Variants in THSD7A observed in about 807,000 individuals in gnomAD.
The protein encoded by THSD7A is thrombospondin type-1 domain-containing protein 7A.
Under a neutral mutation model 231.3 loss-of-function variants are expected in THSD7A, and 96 were observed. The observed-to-expected ratio is 0.41, with a 90% CI of 0.35 to 0.49. The LOEUF (loss-of-function observed/expected upper bound fraction) is 0.49. Ranked by LOEUF, THSD7A falls within the 20% of genes least tolerant of loss-of-function variation. THSD7A has a pLI of 0.05. For synonymous variants in THSD7A, 940 were observed against 743.3 expected (o/e 1.26, Z -4.30); for missense variants, 2,290 against 2,070.2 (o/e 1.11, Z -2.06).
At position 11,543,104 on chromosome 7, in the gene THSD7A, C is replaced by T; in HGVS notation, c.1467G>A (p.Met489Ile). The T allele has an allele frequency of 6.2e-7, 1 of 1,610,822 alleles. No individual in the cohort carries two copies. Among genetic ancestry groups the T allele is most frequent in the Non-Finnish European group, 8.5e-7 (1 of 1,178,536 alleles). Reference protein sequence around the residue: ...THKNKEASKPMDLKLCTGPIP... With the variant: ...THKNKEASKPIDLKLCTGPIP... Reference sequence around the variant, plus strand: ...TAGGTCCAGTGCATAATTTTAAGTCCATTGGCTTTGAGGCTAGAGAAAAAT... The same window carrying T: ...TAGGTCCAGTGCATAATTTTAAGTCTATTGGCTTTGAGGCTAGAGAAAAAT... The change falls in exon 5 of 28, where the codon ATG becomes ATA. Residue 489 changes from methionine (M) to isoleucine (I), a missense_variant. Met to Ile is a conservative substitution (Grantham distance 10). Transcript: ENST00000423059.
intron 6 of THSD7A, among the ~76,000 whole-genome samples, chr7:11,511,599 G>C (rs1362078078): frequency 6.6e-6 from 1 of 152,066 alleles, no homozygotes; most frequent in East Asian, 1.9e-4. Flanking sequence ...TAGACCAATG[G>C]AACAGAACAG....
chr7:11,507,729 A>C (rs1583870563), intron 6 of THSD7A, among the ~76,000 whole-genome samples: 1 of 152,060 alleles, frequency 6.6e-6, no homozygotes, highest in Admixed American at 6.6e-5. Context: ...TTCTGTTTAT[A>C]TATACAGTGG....
In THSD7A at chr7:11,541,430, A is replaced by T; in HGVS notation, c.1811T>A (p.Ile604Asn). The T allele has an allele frequency of 6.2e-7, 1 of 1,613,982 alleles. No individual in the cohort carries two copies. Among genetic ancestry groups the T allele is most frequent in the Non-Finnish European group, 8.5e-7 (1 of 1,179,882 alleles). Residue 604 changes from isoleucine (I) to asparagine (N), a missense_variant, in exon 6 of 28, where the codon ATC becomes AAC. Coordinates refer to ENST00000423059, the MANE Select transcript of THSD7A (RefSeq NM_015204.3). ...PGTQVQEVVC[I>N]NSDGEEVDRQ... ...TACGTCTGTCTTACCATCACTGTTGATGCACACAACCTCTTGAACTTGCGT... is the reference window on the plus strand; with the variant it reads ...TACGTCTGTCTTACCATCACTGTTGTTGCACACAACCTCTTGAACTTGCGT...
rs962591235 is a variant in THSD7A at position 11,400,121 on chromosome 7, T to TG, written c.4411+1673dup. Among the ~76,000 whole-genome samples, 4 of 135,992 alleles carry TG rather than the reference T, an allele frequency of 2.9e-5. No individual in the cohort carries two copies. In the Admixed American group the frequency reaches 3.4e-4, roughly 11 times the overall value. The allele number at this position is 135,992 out of a possible 152,430, so 89.2% of individuals were successfully genotyped here. Reference sequence around the variant, plus strand: ...GTGGGAATTGAACAATGAAAACACTTGGACACAGGAAGGGGAACATCACAC... The same window carrying TG: ...GTGGGAATTGAACAATGAAAACACTTGGGACACAGGAAGGGGAACATCACAC... On this transcript the variant is annotated intron_variant, in intron 23 of 27. Coordinates refer to ENST00000423059, the MANE Select transcript of THSD7A (RefSeq NM_015204.3).
intron 6 of THSD7A, among the ~76,000 whole-genome samples, chr7:11,530,963 A>G (rs1583916301): frequency 1.3e-5 from 2 of 152,280 alleles, no homozygotes. Context: ...GTGAGCTGAG[A>G]TCGTGCCACT....
At chr7:11,580,430 G>A (rs937630269) in intron 4 of THSD7A, among the ~76,000 whole-genome samples, 1 of 152,120 alleles carries the variant, frequency 6.6e-6, no homozygotes, top group Non-Finnish European at 1.5e-5. Context: ...GCCTTGTGAA[G>A]GGTCAGTCTA....
intron 1 of THSD7A, among the ~76,000 whole-genome samples, chr7:11,644,644 T>G (rs1020348479): frequency 1.3e-5 from 2 of 151,996 alleles, no homozygotes; most frequent in African/African-American, 2.4e-5. Flanking sequence ...TGTACAAAAT[T>G]AGAACAGGCT....
intron 1 of THSD7A, among the ~76,000 whole-genome samples, chr7:11,656,129 C>G (rs984547474): frequency 6.6e-6 from 1 of 151,846 alleles, no homozygotes; most frequent in Non-Finnish European, 1.5e-5. Context: ...TCAAAATTGA[C>G]AGCATTTAGG....
chr7:11,399,811 G>A (rs1335781041), intron 23 of THSD7A, among the ~76,000 whole-genome samples: 1 of 152,140 alleles, frequency 6.6e-6, no homozygotes, highest in Admixed American at 6.6e-5. Context: ...CCATTACTGG[G>A]TATACGCCCA....
intron 1 of THSD7A, among the ~76,000 whole-genome samples, chr7:11,714,152 A>G (rs1781056327): frequency 6.6e-6 from 1 of 151,258 alleles, no homozygotes. Flanking sequence ...GTGATGTAAT[A>G]ATCTTGCAGC....
At chr7:11,486,814 A>T (rs1446016099) in intron 6 of THSD7A, among the ~76,000 whole-genome samples, 15 of 152,230 alleles carry the variant, frequency 9.9e-5, no homozygotes, top group Non-Finnish European at 1.5e-5. Context: ...TCTAGGCATT[A>T]TAAACAAACC....
At chr7:11,473,971 A>T (rs924046891) in intron 8 of THSD7A, among the ~76,000 whole-genome samples, 2 of 152,038 alleles carry the variant, frequency 1.3e-5, no homozygotes, top group Non-Finnish European at 2.9e-5. Flanking sequence ...GCCTACGGGT[A>T]TATAGGAGGT....
At chr7:11,729,234 G>C (rs1166387161) in intron 1 of THSD7A, among the ~76,000 whole-genome samples, 1 of 151,746 alleles carries the variant, frequency 6.6e-6, no homozygotes, top group African/African-American at 2.4e-5. Flanking sequence ...TATTGTTTTA[G>C]CTTATGAAAA....
At chr7:11,672,957 A>C (rs544743189) in intron 1 of THSD7A, among the ~76,000 whole-genome samples, 1 of 152,316 alleles carries the variant, frequency 6.6e-6, no homozygotes, top group East Asian at 1.9e-4. Flanking sequence ...TGACAAATTA[A>C]ATATTTAACA....
At chr7:11,481,405 TAGA>T (rs1562644883) in intron 7 of THSD7A, among the ~76,000 whole-genome samples, 2 of 152,100 alleles carry the variant, frequency 1.3e-5, no homozygotes, top group African/African-American at 2.4e-5. Context: ...TATGAGAAGG[TAGA>T]ATATGATTTT....
At chr7:11,759,649 C>T (rs1350121276) in intron 1 of THSD7A, among the ~76,000 whole-genome samples, 1 of 151,994 alleles carries the variant, frequency 6.6e-6, no homozygotes, top group Non-Finnish European at 1.5e-5. Flanking sequence ...TACACATACA[C>T]ATATACACAC....
At chr7:11,594,704 C>A (rs1189555283) in intron 2 of THSD7A, among the ~76,000 whole-genome samples, 2 of 152,146 alleles carry the variant, frequency 1.3e-5, no homozygotes, top group Middle Eastern at 3.2e-3. Flanking sequence ...TAACTCCTAG[C>A]TTCATAAGCA....
chr7:11,428,549 T>C (rs149684612), intron 14 of THSD7A, among the ~76,000 whole-genome samples: 221 of 152,328 alleles, frequency 1.5e-3, no homozygotes, highest in African/African-American at 5.2e-3. Flanking sequence ...AAAACCCATA[T>C]TATTTCTTTG....
At chr7:11,510,726 C>G (rs991121389) in intron 6 of THSD7A, among the ~76,000 whole-genome samples, 5 of 152,222 alleles carry the variant, frequency 3.3e-5, no homozygotes, top group East Asian at 3.9e-4. Context: ...ATTCAACAGC[C>G]CTTCATGCTA....
Sources: allele counts gnomAD v4.1 joint callset (sites outside exome capture counted in the v4.1 genomes callset), GRCh38; gene constraint gnomAD v4.1.1; transcripts MANE v1.5; gene names NCBI Gene and HGNC (gene_info 2026-07-23, HGNC 2026-07-21).